The following PTBP3 variants were observed in gnomAD, a reference collection of about 807,000 sequenced individuals.
The protein encoded by PTBP3 is polypyrimidine tract-binding protein 3.
PTBP3 carries 20 observed loss-of-function variants against 58.7 expected under a neutral mutation model. The ratio of observed to expected loss-of-function variants is 0.34; its 90% CI spans 0.24 to 0.50. PTBP3 has a LOEUF of 0.50. PTBP3 is among the 20% of genes least tolerant of loss of function. The probability of loss-of-function intolerance (pLI) is 0.98; values close to 1 mark genes in which losing one functional copy is unlikely to be tolerated. For missense variants in PTBP3, 509 were observed against 637.2 expected (o/e 0.80, Z 2.17); for synonymous variants, 185 against 219.8 (o/e 0.84, Z 1.40).
upstream of PTBP3, among the ~76,000 whole-genome samples, chr9:112,336,854 A>G (rs1317518744): frequency 1.3e-5 from 2 of 152,184 alleles, no homozygotes; most frequent in Non-Finnish European, 1.5e-5. Context: ...CTGCAATGTA[A>G]AAACAGTGCA....
intron 1 of PTBP3, among the ~76,000 whole-genome samples, chr9:112,320,928 G>A (rs1829922353): frequency 6.6e-6 from 1 of 152,120 alleles, no homozygotes; most frequent in Non-Finnish European, 1.5e-5. Context: ...GCAAATAAAT[G>A]AGAAAATCTT....
At chr9:112,337,684 T>G (rs1237290949), upstream of PTBP3, among the ~76,000 whole-genome samples, 1 of 152,270 alleles carries the variant, frequency 6.6e-6, no homozygotes, top group Non-Finnish European at 1.5e-5. Context: ...CATTTTCTCT[T>G]GTGTTTTTGT....
intron 2 of PTBP3, among the ~76,000 whole-genome samples, chr9:112,289,893 A>C (rs1312395696): frequency 6.6e-6 from 1 of 152,252 alleles, no homozygotes; most frequent in African/African-American, 2.4e-5. Context: ...TAAATCAATT[A>C]GATTTCTTTA....
chr9:112,277,793 T>C (rs1235242650), intron 2 of PTBP3, among the ~76,000 whole-genome samples: 1 of 151,940 alleles, frequency 6.6e-6, no homozygotes. Context: ...AGAGAGTCAC[T>C]TGAACCCAGG....
the PTBP3 span, among the ~76,000 whole-genome samples, chr9:112,377,195 C>A: frequency 7.0e-3 from 1,065 of 152,312 alleles, 30 homozygotes; most frequent in East Asian, 0.049. Context: ...CATAGTGAGA[C>A]CCCTGTGTCT....
intron 3 of PTBP3, among the ~76,000 whole-genome samples, chr9:112,273,579 AG>A (rs1827479297): frequency 6.6e-6 from 1 of 152,242 alleles, no homozygotes; most frequent in African/African-American, 2.4e-5. Flanking sequence ...ATTTCCTTTA[AG>A]TATACAGAAC....
the PTBP3 span, among the ~76,000 whole-genome samples, chr9:112,363,324 C>A: frequency 6.6e-6 from 1 of 152,054 alleles, no homozygotes; most frequent in African/African-American, 2.4e-5. Context: ...GAGGGCAGAT[C>A]TCTAGAGCCC....
In PTBP3 at chr9:112,326,593, T is replaced by C. The variant is rs574756299; in HGVS notation, c.-52+6877A>G. 2.0e-3 allele frequency among the ~76,000 whole-genome samples: 301 copies of C among 152,362 alleles called. 1 individual carries two copies. The highest frequency in any genetic ancestry group is 2.3e-3 in the Non-Finnish European group (156 of 68,034). ...TCACTAGAAGTCCTTCCCATATATG[T>C]GAGTTTTTCATACTCATCTACTCAC... is the stretch of plus-strand genomic sequence containing the variant. On this transcript the variant is annotated intron_variant, in intron 1 of 13. Coordinates refer to ENST00000374257, the MANE Select transcript of PTBP3 (RefSeq NM_001163788.4).
At position 112,223,692 on chromosome 9, in the gene PTBP3, C is replaced by T. The variant is rs1458277723; in HGVS notation, c.*159G>A. 14 of 1,036,232 alleles carry T rather than the reference C, an allele frequency of 1.4e-5. No individual in the cohort carries two copies. The highest frequency in any genetic ancestry group is 1.6e-5 in the Non-Finnish European group (13 of 803,084). The allele number at this position is 1,036,232 out of a possible 1,614,324, so 64.2% of individuals were successfully genotyped here. ...TTGACTGGCGGGGGCAGGGGGAATA[C>T]AAAAAAAAAAAATCCCTTGATTTTT... is the stretch of plus-strand genomic sequence containing the variant. On this transcript the variant is annotated 3_prime_UTR_variant, in exon 14 of 14. Coordinates refer to ENST00000374257, the MANE Select transcript of PTBP3 (RefSeq NM_001163788.4).
intron 4 of PTBP3, among the ~76,000 whole-genome samples, chr9:112,266,950 A>C (rs1836824370): frequency 6.6e-6 from 1 of 152,186 alleles, no homozygotes; most frequent in Admixed American, 6.5e-5. Flanking sequence ...TTGTAAGCTT[A>C]TATAGTTTAT....
chr9:112,262,362 T>TA (rs1289557205), intron 5 of PTBP3, 73 bp downstream of exon 5: 38 of 1,254,876 alleles, frequency 3.0e-5, no homozygotes, highest in Non-Finnish European at 4.1e-5. Context: ...CTAAACAACT[T>TA]AGATATAAAA....
chr9:112,262,215 T>C (rs1355325486), intron 5 of PTBP3, among the ~76,000 whole-genome samples: 1 of 151,928 alleles, frequency 6.6e-6, no homozygotes, highest in Non-Finnish European at 1.5e-5. Flanking sequence ...AAAAAAAAAA[T>C]CAAAACTTTT....
In PTBP3 at chr9:112,219,161, C is replaced by T. The variant is rs979503404; in HGVS notation, c.*4690G>A. ...GCTTTACAGAGAGGAGTTAAAACCA[C>T]AACAGTCAGTCTTTGGTCAGAGCAA... On this transcript the variant is annotated 3_prime_UTR_variant, in exon 14 of 14. Coordinates refer to ENST00000374257, the MANE Select transcript of PTBP3 (RefSeq NM_001163788.4). 1 of 152,562 alleles carries T rather than the reference C, an allele frequency of 6.6e-6. No homozygotes were observed. Among genetic ancestry groups the T allele is most frequent in the Non-Finnish European group, 1.5e-5 (1 of 68,024 alleles). 9.5% of individuals were successfully genotyped at this position (152,562 alleles called of 1,614,324 possible).
chr9:112,352,122 T>C, the PTBP3 span, among the ~76,000 whole-genome samples: 1 of 152,054 alleles, frequency 6.6e-6, no homozygotes, highest in South Asian at 2.1e-4. Context: ...GGTCTCACCA[T>C]GTTGCCCAGG....
intron 4 of PTBP3, among the ~76,000 whole-genome samples, chr9:112,266,321 G>A (rs1836797983): frequency 6.6e-6 from 1 of 152,124 alleles, no homozygotes; most frequent in African/African-American, 2.4e-5. Flanking sequence ...ACAGAAATCA[G>A]TATAAGTATT....
At chr9:112,339,900 A>G in the PTBP3 span, among the ~76,000 whole-genome samples, 1 of 152,272 alleles carries the variant, frequency 6.6e-6, no homozygotes, top group African/African-American at 2.4e-5. Context: ...ATAAATTTCT[A>G]TCAGGATTAT....
At chr9:112,229,564 C>CAAAAAAA (rs35366224) in intron 10 of PTBP3, among the ~76,000 whole-genome samples, 1 of 141,444 alleles carries the variant, frequency 7.1e-6, no homozygotes. Flanking sequence ...GACCCTGTCT[C>CAAAAAAA]AAAAAAAAAA....
chr9:112,321,945 C>A (rs1284097197), intron 1 of PTBP3, among the ~76,000 whole-genome samples: 2 of 151,958 alleles, frequency 1.3e-5, no homozygotes, highest in Non-Finnish European at 2.9e-5. Flanking sequence ...ACCATCCTGG[C>A]CAACATGGTG....
At chr9:112,291,410 G>A (rs550501176) in intron 2 of PTBP3, among the ~76,000 whole-genome samples, 14 of 148,980 alleles carry the variant, frequency 9.4e-5, no homozygotes, top group Admixed American at 1.3e-4. Flanking sequence ...ATCCCAAATC[G>A]CCAAAGCAAT....
Sources: allele counts gnomAD v4.1 joint callset (sites outside exome capture counted in the v4.1 genomes callset), GRCh38; gene constraint gnomAD v4.1.1; transcripts MANE v1.5; gene names NCBI Gene and HGNC (gene_info 2026-07-23, HGNC 2026-07-21).